The following KLF12 variants were observed in gnomAD, a reference collection of about 807,000 sequenced individuals.
KLF12 encodes KLF transcription factor 12, also known as Krueppel-like factor 12.
KLF12 carries 9 observed loss-of-function variants against 37.8 expected under a neutral mutation model. That is an observed-to-expected ratio of 0.24 (90% confidence interval 0.14 to 0.42). The LOEUF (loss-of-function observed/expected upper bound fraction) is 0.42. Ranked by LOEUF, KLF12 falls within the 10% of genes least tolerant of loss-of-function variation. The pLI, the probability that KLF12 is intolerant of heterozygous loss-of-function variation, is 1.00. For missense variants in KLF12, 411 were observed against 516.0 expected (o/e 0.80, Z 1.97); for synonymous variants, 208 against 202.1 (o/e 1.03, Z -0.25).
chr13:74,207,154 T>A, the KLF12 span, among the ~76,000 whole-genome samples: 1 of 152,144 alleles, frequency 6.6e-6, no homozygotes, highest in Admixed American at 6.5e-5. Context: ...AGGAACCAAC[T>A]CCTGCAATAA....
At chr13:73,808,607 C>T (rs1300369075) in intron 5 of KLF12, among the ~76,000 whole-genome samples, 1 of 152,068 alleles carries the variant, frequency 6.6e-6, no homozygotes, top group South Asian at 2.1e-4. Flanking sequence ...CATATGAAAT[C>T]AAAAGGAACA....
At chr13:73,713,517 C>T (rs1047550568) in intron 7 of KLF12, among the ~76,000 whole-genome samples, 1 of 152,212 alleles carries the variant, frequency 6.6e-6, no homozygotes, top group African/African-American at 2.4e-5. Context: ...ATATGACACG[C>T]AAGGGGTTCC....
intron 1 of KLF12, among the ~76,000 whole-genome samples, chr13:74,109,974 A>G (rs993968600): frequency 6.6e-6 from 1 of 152,120 alleles, no homozygotes; most frequent in South Asian, 2.1e-4. Flanking sequence ...ACTTTTGGGG[A>G]AAAAAACAGG....
At chr13:73,900,189 C>G (rs991342682) in intron 3 of KLF12, among the ~76,000 whole-genome samples, 1 of 152,016 alleles carries the variant, frequency 6.6e-6, no homozygotes, top group Admixed American at 6.6e-5. Context: ...ACTGGAGATC[C>G]GGTCGTCATA....
the KLF12 span, among the ~76,000 whole-genome samples, chr13:74,149,362 TC>T: frequency 6.6e-6 from 1 of 152,224 alleles, no homozygotes; most frequent in African/African-American, 2.4e-5. Context: ...CTAAATCTAT[TC>T]CTTGTAATCT....
intron 2 of KLF12, among the ~76,000 whole-genome samples, chr13:73,952,779 T>C (rs907421311): frequency 6.6e-6 from 1 of 152,152 alleles, no homozygotes; most frequent in Admixed American, 6.5e-5. Flanking sequence ...AAGCTAAGTT[T>C]AAGCGTTGTT....
intron 1 of KLF12, among the ~76,000 whole-genome samples, chr13:74,004,843 T>C (rs183032373): frequency 9.9e-5 from 15 of 152,266 alleles, no homozygotes; most frequent in African/African-American, 3.1e-4. Context: ...ATTTTAAAAT[T>C]TGTGTGTAAA....
intron 1 of KLF12, among the ~76,000 whole-genome samples, chr13:74,117,450 C>T (rs533895692): frequency 2.7e-5 from 4 of 149,860 alleles, no homozygotes; most frequent in Non-Finnish European, 5.9e-5. Flanking sequence ...GATATATACG[C>T]ATGTACCCAT....
chr13:73,906,781 T>C (rs1888321675), intron 3 of KLF12, among the ~76,000 whole-genome samples: 1 of 152,178 alleles, frequency 6.6e-6, no homozygotes, highest in Non-Finnish European at 1.5e-5. Flanking sequence ...AAACATACAA[T>C]ATGGATTCTA....
At chr13:73,998,749 C>T (rs1278020723) in intron 1 of KLF12, among the ~76,000 whole-genome samples, 1 of 152,216 alleles carries the variant, frequency 6.6e-6, no homozygotes, top group African/African-American at 2.4e-5. Flanking sequence ...AGTTGCTTTT[C>T]TTCTACTTAA....
intron 2 of KLF12, among the ~76,000 whole-genome samples, chr13:73,991,395 G>C (rs139700849): frequency 7.8e-4 from 119 of 152,304 alleles, no homozygotes; most frequent in Non-Finnish European, 1.5e-3. Context: ...AGGGCACTTC[G>C]ATTTCTGAAA....
intron 3 of KLF12, among the ~76,000 whole-genome samples, chr13:73,897,740 C>T (rs755754517): frequency 2.6e-5 from 4 of 152,196 alleles, no homozygotes; most frequent in Admixed American, 1.3e-4. Context: ...ATTCCTTCTG[C>T]TTCTTCAATC....
chr13:74,148,214 C>T, the KLF12 span, among the ~76,000 whole-genome samples: 1 of 152,058 alleles, frequency 6.6e-6, no homozygotes, highest in Non-Finnish European at 1.5e-5. Context: ...CACCCCCGGC[C>T]TGTTCTCTCA....
intron 3 of KLF12, among the ~76,000 whole-genome samples, chr13:73,881,394 A>C (rs1050494525): frequency 6.6e-6 from 1 of 152,154 alleles, no homozygotes; most frequent in Non-Finnish European, 1.5e-5. Flanking sequence ...AGGAGCTAAA[A>C]ATTTTCAACT....
At chr13:73,835,316 G>A (rs1884374731) in intron 4 of KLF12, among the ~76,000 whole-genome samples, 1 of 152,082 alleles carries the variant, frequency 6.6e-6, no homozygotes, top group African/African-American at 2.4e-5. Flanking sequence ...TTCAGTTCAT[G>A]TCATTTTAAA....
chr13:74,119,120 G>T (rs113497221), intron 1 of KLF12, among the ~76,000 whole-genome samples: 4,530 of 152,056 alleles, frequency 0.03, 94 homozygotes, highest in Middle Eastern at 0.075. Context: ...ATCACCTGAG[G>T]CCAAGTGTTC....
intron 1 of KLF12, among the ~76,000 whole-genome samples, chr13:74,125,680 AG>A (rs1324737749): frequency 6.6e-6 from 1 of 152,206 alleles, no homozygotes; most frequent in East Asian, 1.9e-4. Context: ...TTTTTGGATA[AG>A]GTATCATAAT....
the KLF12 span, among the ~76,000 whole-genome samples, chr13:74,240,138 G>C: frequency 6.6e-6 from 1 of 151,978 alleles, no homozygotes; most frequent in African/African-American, 2.4e-5. Flanking sequence ...AGGCAGGCCT[G>C]GTGGTGACAA....
the KLF12 span, among the ~76,000 whole-genome samples, chr13:74,256,202 ACATACTTG>A: frequency 3.2e-4 from 49 of 152,170 alleles, no homozygotes; most frequent in Non-Finnish European, 5.7e-4. Context: ...CAAGGCTAAG[ACATACTTG>A]GCTCACATCT....
Sources: allele counts gnomAD v4.1 joint callset (sites outside exome capture counted in the v4.1 genomes callset), GRCh38; gene constraint gnomAD v4.1.1; transcripts MANE v1.5; gene names NCBI Gene and HGNC (gene_info 2026-07-23, HGNC 2026-07-21).